The following IP6K1 variants were observed in gnomAD, a reference collection of about 807,000 sequenced individuals.
IP6K1 encodes ATP:1D-myo-inositol-hexakisphosphate phosphotransferase.
Under a neutral mutation model 38.3 loss-of-function variants are expected in IP6K1, and 13 were observed. The ratio of observed to expected loss-of-function variants is 0.34; its 90% CI spans 0.22 to 0.54. The LOEUF (loss-of-function observed/expected upper bound fraction) is 0.54. Ranked by LOEUF, IP6K1 falls within the 20% of genes least tolerant of loss-of-function variation. The probability of loss-of-function intolerance (pLI) is 0.92; values close to 1 mark genes in which losing one functional copy is unlikely to be tolerated. For synonymous variants in IP6K1, 212 were observed against 229.9 expected, an observed-to-expected ratio of 0.92 and a Z score of 0.70; for missense variants, 397 against 599.8, an observed-to-expected ratio of 0.66 and a Z score of 3.53.
At chr3:49,743,350 C>T (rs944517202) in intron 2 of IP6K1, among the ~76,000 whole-genome samples, 1 of 151,678 alleles carries the variant, frequency 6.6e-6, no homozygotes, top group Non-Finnish European at 1.5e-5. Flanking sequence ...AGGTATCATG[C>T]CTCATGGAGG....
intron 4 of IP6K1, among the ~76,000 whole-genome samples, chr3:49,732,467 T>A (rs1258067138): frequency 6.6e-6 from 1 of 152,202 alleles, no homozygotes; most frequent in African/African-American, 2.4e-5. Context: ...AAAATTTAAA[T>A]TAACTGCCTT....
At chr3:49,729,532 C>T (rs1356619564) in intron 4 of IP6K1, among the ~76,000 whole-genome samples, 1 of 151,466 alleles carries the variant, frequency 6.6e-6, no homozygotes, top group Admixed American at 6.6e-5. Context: ...CTCAGCCTCC[C>T]GGTAGCTGGG....
rs565047672 is a variant in IP6K1 at position 49,784,012 on chromosome 3, A to T, written c.-129+2342T>A. 8.9e-3 allele frequency among the ~76,000 whole-genome samples: 1,350 copies of T among 151,536 alleles called. 19 individuals are homozygous for T. Among genetic ancestry groups the T allele is most frequent in the African/African-American group, 0.031 (1,293 of 41,336 alleles). On this transcript the variant is annotated intron_variant, in intron 1 of 5. Transcript: ENST00000321599. ...TTTCAAAATTATTATTTTATTTATT[A>T]TTTATTTATTTATTTATTTTTGGAG...
chr3:49,745,502 C>T (rs2080712593), intron 2 of IP6K1, among the ~76,000 whole-genome samples: 1 of 152,158 alleles, frequency 6.6e-6, no homozygotes, highest in Non-Finnish European at 1.5e-5. Flanking sequence ...GCAGGTAGGT[C>T]ACCTGAGTTG....
chr3:49,727,599 C>A lies in IP6K1; in HGVS notation c.849G>T (p.Gly283=). 6.2e-7 allele frequency: 1 copy of A among 1,614,166 alleles called. No individual in the cohort carries two copies. The highest frequency in any genetic ancestry group is 1.1e-5 in the South Asian group (1 of 91,084). Residue 283 remains glycine (G), a synonymous_variant, in exon 6 of 6, where the codon GGG becomes GGT. Transcript: ENST00000321599. The surrounding 1 kb of genome is among the most constrained non-coding windows in gnomAD (Gnocchi z 5.9). ...YLCRNKYYGR[G]LSIEGFRNAL... ...CATTGCGGAAGCCTTCAATGGAGAG[C>A]CCACGGCCATAGTACTTGTTCCTGC...
At chr3:49,730,983 A>G (rs1201833306) in intron 4 of IP6K1, among the ~76,000 whole-genome samples, 2 of 152,124 alleles carry the variant, frequency 1.3e-5, no homozygotes, top group Non-Finnish European at 2.9e-5. Context: ...TGCTGGGATT[A>G]CAGGAATGAG....
intron 1 of IP6K1, among the ~76,000 whole-genome samples, chr3:49,767,940 G>A (rs1484628067): frequency 6.6e-6 from 1 of 151,626 alleles, no homozygotes; most frequent in Non-Finnish European, 1.5e-5. Flanking sequence ...ATTTACAAAT[G>A]GCCAAAAAAT....
At position 49,732,919 on chromosome 3, in the gene IP6K1, G is replaced by T; in HGVS notation, c.488C>A (p.Pro163His). 6.2e-7 allele frequency: 1 copy of T among 1,614,068 alleles called. No individual in the cohort carries two copies. The highest frequency in any genetic ancestry group is 8.5e-7 in the Non-Finnish European group (1 of 1,179,964). ...ACTGTTGCCATCTAGCATCTGGAAA[G>T]GGACCTCTGAGTGGCTGTGCAGCTC... is the stretch of plus-strand genomic sequence containing the variant. ...KVELHSHSEV[P>H]FQMLDGNSGL... The change falls in exon 4 of 6, where the codon CCT becomes CAT. Residue 163 changes from proline to histidine, a missense_variant. Around this residue, in one of 3 missense-constraint regions of IP6K1, gnomAD observed 171 missense variants for 237.0 expected, o/e 0.72. Coordinates refer to ENST00000321599, the MANE Select transcript of IP6K1 (RefSeq NM_153273.4).
intron 1 of IP6K1, among the ~76,000 whole-genome samples, chr3:49,754,036 A>G (rs1478331805): frequency 3.9e-5 from 6 of 151,976 alleles, no homozygotes; most frequent in African/African-American, 7.2e-5. Context: ...AAAAAGGGGG[A>G]AAAAAATCAG....
intron 2 of IP6K1, among the ~76,000 whole-genome samples, chr3:49,745,706 T>G (rs1156961399): frequency 6.6e-6 from 1 of 151,436 alleles, no homozygotes; most frequent in Non-Finnish European, 1.5e-5. Flanking sequence ...AATACAAAAT[T>G]TAGTTAGGCG....
intron 3 of IP6K1, among the ~76,000 whole-genome samples, chr3:49,736,123 T>C (rs1228167655): frequency 3.3e-5 from 5 of 152,070 alleles, no homozygotes; most frequent in Non-Finnish European, 1.5e-5. Context: ...ACCATGTTGG[T>C]CAGGCTGGTC....
At chr3:49,762,219 T>C (rs59512581) in intron 1 of IP6K1, among the ~76,000 whole-genome samples, 1,860 of 152,254 alleles carry the variant, frequency 0.012, 17 homozygotes, top group Non-Finnish European at 0.02. Context: ...CCCAAAGTGC[T>C]GGGATTACAG....
chr3:49,730,219 T>A (rs889654110), intron 4 of IP6K1, among the ~76,000 whole-genome samples: 1 of 152,252 alleles, frequency 6.6e-6, no homozygotes, highest in East Asian at 1.9e-4. Context: ...ATGTTTTTTT[T>A]AGAGACAGGG....
chr3:49,753,336 T>C (rs547121150), intron 1 of IP6K1, among the ~76,000 whole-genome samples: 1 of 152,270 alleles, frequency 6.6e-6, no homozygotes, highest in East Asian at 1.9e-4. Flanking sequence ...CAAAAGTCTT[T>C]GATCAAAATG....
chr3:49,741,366 AC>A (rs2080667701), intron 2 of IP6K1, among the ~76,000 whole-genome samples: 1 of 152,124 alleles, frequency 6.6e-6, no homozygotes. Context: ...AAAATAAGAT[AC>A]CTGGTATGAA....
chr3:49,772,967 G>C (rs2080972676), intron 1 of IP6K1, among the ~76,000 whole-genome samples: 1 of 151,908 alleles, frequency 6.6e-6, no homozygotes, highest in African/African-American at 2.4e-5. Context: ...GGAATTTTAG[G>C]CATGTCCCAC....
intron 2 of IP6K1, among the ~76,000 whole-genome samples, chr3:49,740,672 T>G (rs1480886136): frequency 6.6e-6 from 1 of 152,154 alleles, no homozygotes; most frequent in African/African-American, 2.4e-5. Flanking sequence ...TGTCACAGCA[T>G]ATATCAGAAC....
At chr3:49,731,261 CAT>C (rs1350500493) in intron 4 of IP6K1, among the ~76,000 whole-genome samples, 3 of 152,100 alleles carry the variant, frequency 2.0e-5, no homozygotes, top group Non-Finnish European at 4.4e-5. Flanking sequence ...ACAGACTTAT[CAT>C]ATGTCTGCCA....
At chr3:49,774,788 G>A (rs1306420933) in intron 1 of IP6K1, among the ~76,000 whole-genome samples, 1 of 152,006 alleles carries the variant, frequency 6.6e-6, no homozygotes, top group Non-Finnish European at 1.5e-5. Flanking sequence ...GTTTTATAAA[G>A]TCATTGTGTA....
Sources: gnomAD v4.1 joint callset for allele counts (sites outside exome capture counted in the v4.1 genomes callset) on GRCh38, gnomAD v4.1.1 for gene constraint, gnomAD v4.1.1 regional missense constraint, Gnocchi (gnomAD v3.1) non-coding constraint, MANE v1.5 for transcripts, NCBI Gene and HGNC (gene_info 2026-07-23, HGNC 2026-07-21) for gene names.